MYH6: variants seen among roughly 807,000 people sequenced by gnomAD.
MYH6 encodes myosin-6.
Under a neutral mutation model 223.2 loss-of-function variants are expected in MYH6, and 126 were observed. That is an observed-to-expected ratio of 0.56 (90% CI 0.49 to 0.65). The LOEUF (loss-of-function observed/expected upper bound fraction) is 0.65, where lower values mean the gene tolerates loss of function less well. MYH6 is among the 30% of genes least tolerant of loss of function. The probability of loss-of-function intolerance (pLI) is 0.00; values close to 1 mark genes in which losing one functional copy is unlikely to be tolerated. For missense variants in MYH6, 2,040 were observed against 2,536.4 expected, an observed-to-expected ratio of 0.80 and a Z score of 4.20; for synonymous variants, 978 against 1,010.2, an observed-to-expected ratio of 0.97 and a Z score of 0.61.
At position 23,389,817 on chromosome 14, in the gene MYH6, G is replaced by C. The variant is rs549754386; in HGVS notation, c.3733-98C>G. ...AGATGGGGAATGCCAGAGGGCAGGA[G>C]GGGGACACAGAAGGTGTGGGAGGGC... On this transcript the variant is annotated intron_variant, in intron 26 of 38. Coordinates refer to ENST00000405093, the MANE Select transcript of MYH6 (RefSeq NM_002471.4). 9 of 1,596,218 alleles carry C rather than the reference G, an allele frequency of 5.6e-6. No individual in the cohort carries two copies. The East Asian group carries it at 2.0e-4, about 36-fold the overall frequency.
intron 34 of MYH6, 40 bp downstream of exon 34, chr14:23,385,888 A>G (rs764320526): frequency 6.2e-7 from 1 of 1,613,740 alleles, no homozygotes. Context: ...TGGGCTCTGC[A>G]CTCAGTAGGT....
intron 38 of MYH6, among the ~76,000 whole-genome samples, 158 bp downstream of exon 38, chr14:23,382,270 G>A (rs539175910): frequency 1.2e-4 from 18 of 152,178 alleles, no homozygotes; most frequent in African/African-American, 3.9e-4. Flanking sequence ...TCAGTGGGGG[G>A]CTGTTTTGAG....
chr14:23,400,253 C>T lies in MYH6; in HGVS notation c.1581+3G>A, dbSNP rs1333051527. 4.3e-6 allele frequency: 7 copies of T among 1,614,226 alleles called. No individual in the cohort carries two copies. The highest frequency in any genetic ancestry group is 5.9e-6 in the Non-Finnish European group (7 of 1,180,044). On this transcript the variant is annotated splice_donor_region_variant and intron_variant, in intron 14 of 38. Transcript: ENST00000405093. Reference sequence around the variant, plus strand: ...GGCATAGGTGGTGAGGCCAAGGAGGCACCTTCTCGATGAGGTCAATGCAGG... The same window carrying T: ...GGCATAGGTGGTGAGGCCAAGGAGGTACCTTCTCGATGAGGTCAATGCAGG...
At chr14:23,397,932 C>CTCTTCTTCTTCTTCTTCTTCTTCT (rs55907025) in intron 15 of MYH6, among the ~76,000 whole-genome samples, 4 of 90,218 alleles carry the variant, frequency 4.4e-5, no homozygotes, top group East Asian at 7.6e-4. Context: ...CCTCCTCCTC[C>CTCTTCTTCTTCTTCTTCTTCTTCT]TCTTCTTCTT....
chr14:23,385,896 G>A (rs757755561), intron 34 of MYH6, 32 bp downstream of exon 34: 13 of 1,613,966 alleles, frequency 8.1e-6, no homozygotes, highest in Middle Eastern at 3.3e-4. Context: ...GCACTCAGTA[G>A]GTTTCCACAA....
At chr14:23,403,278 C>T in intron 10 of MYH6, 70 bp downstream of exon 10, 2 of 1,304,900 alleles carry the variant, frequency 1.5e-6, no homozygotes, top group Admixed American at 1.7e-5. Context: ...GAGGGCCCTG[C>T]CCTGCATGCA....
chr14:23,387,190 G>A (rs778838996), intron 32 of MYH6, among the ~76,000 whole-genome samples: 20 of 152,148 alleles, frequency 1.3e-4, no homozygotes, highest in African/African-American at 3.4e-4. Flanking sequence ...GCCCAACGCT[G>A]CAGTGAAAGT....
At chr14:23,406,660 A>C (rs1319076996) in intron 3 of MYH6, among the ~76,000 whole-genome samples, 1 of 152,230 alleles carries the variant, frequency 6.6e-6, no homozygotes, top group Non-Finnish European at 1.5e-5. Context: ...AATTTGAGAA[A>C]GTGGACTCAT....
In MYH6 at chr14:23,390,419, G is replaced by C; in HGVS notation, c.3370C>G (p.Leu1124Val). 1 of 1,612,074 alleles carries C rather than the reference G, an allele frequency of 6.2e-7. No individual in the cohort carries two copies. The highest frequency in any genetic ancestry group is 8.5e-7 in the Non-Finnish European group (1 of 1,179,782). ...GCCCTGGCGGTGCGCTCGGCCTCCA[G>C]CTCCTCCTCCAGCTCCTCGATGCGT... is the stretch of plus-strand genomic sequence containing the variant. The part of the protein sequence containing the change: ...QARIEELEEE[L>V]EAERTARAKV... Residue 1124 changes from leucine to valine, a missense_variant, in exon 26 of 39, where the codon CTG becomes GTG. Leu to Val is a conservative substitution (Grantham distance 32). This residue lies in a region of MYH6 where 1,203 missense variants were observed against 1,400.2 expected (regional missense o/e 0.86). Coordinates refer to ENST00000405093, the MANE Select transcript of MYH6 (RefSeq NM_002471.4).
In MYH6 at chr14:23,384,586, G is replaced by A; in HGVS notation, c.5421C>T (p.Leu1807=). The change falls in exon 36 of 39, where the codon CTC becomes CTT. Residue 1807 remains leucine (L), a synonymous_variant. Transcript: ENST00000405093. ...HRLDEAEQIA[L]KGGKKQLQKL... is the part of the protein sequence containing the mutation. ...TCTGCAGCTGCTTCTTGCCTCCCTT[G>A]AGGGCGATCTGCTCGGCCTCGTCCA... 1 of 1,613,812 alleles carries A rather than the reference G, an allele frequency of 6.2e-7. No homozygotes were observed. Among genetic ancestry groups the A allele is most frequent in the Non-Finnish European group, 8.5e-7 (1 of 1,180,044 alleles).
In MYH6 at chr14:23,383,336, TG is replaced by T; in HGVS notation, c.5566-17del. The T allele has an allele frequency of 4.2e-5, 2 of 48,154 alleles. No individual in the cohort carries two copies. Among genetic ancestry groups the T allele is most frequent in the Non-Finnish European group, 3.9e-5 (1 of 25,428 alleles). The allele number at this position is 48,154 out of a possible 1,614,324, so 3.0% of individuals were successfully genotyped here. On this transcript the variant is annotated splice_polypyrimidine_tract_variant and intron_variant, in intron 36 of 38. Transcript: ENST00000405093. ...CTTCCTCTGTCTGGGGGTGGGAGGG[TG>T]GGAGAAGCTGGTTTGGAGGGGGAGC...
chr14:23,397,992 T>C (rs569576051), intron 15 of MYH6, among the ~76,000 whole-genome samples: 2 of 144,488 alleles, frequency 1.4e-5, no homozygotes, highest in African/African-American at 5.3e-5. Flanking sequence ...CTTCTTCTTC[T>C]TCTTCTTCTT....
At chr14:23,386,651 A>C (rs1891035631) in intron 32 of MYH6, 28 bp from the exon 33 acceptor site, 2 of 1,595,062 alleles carry the variant, frequency 1.3e-6, no homozygotes. Flanking sequence ...GAGGGCGGGC[A>C]GACAGGGCAC....
chr14:23,393,205 C>T, intron 23 of MYH6, 137 bp downstream of exon 23: 1 of 1,464,846 alleles, frequency 6.8e-7, no homozygotes, highest in Non-Finnish European at 9.5e-7. Context: ...CAGAGACCTA[C>T]TGTAGTGAGG....
At chr14:23,392,867 G>T (rs1452049872) in intron 24 of MYH6, 45 bp downstream of exon 24, 1 of 1,610,220 alleles carries the variant, frequency 6.2e-7, no homozygotes, top group African/African-American at 1.3e-5. Context: ...TATCTACCAG[G>T]CCAGACACCT....
At chr14:23,383,047 G>A (rs1015703687) in intron 37 of MYH6, among the ~76,000 whole-genome samples, 178 bp downstream of exon 37, 1 of 152,196 alleles carries the variant, frequency 6.6e-6, no homozygotes, top group Admixed American at 6.5e-5. Context: ...CTTGTAGGTG[G>A]TGCCTTTGTT....
chr14:23,382,481 C>T lies in MYH6; in HGVS notation c.5743G>A (p.Ala1915Thr), dbSNP rs754649208. Residue 1915 changes from alanine to threonine, a missense_variant, in exon 38 of 39, where the codon GCT (alanine) becomes ACT (threonine). By Grantham distance (58) the Ala-to-Thr change is moderately conservative. This residue lies in a region of MYH6 where 1,203 missense variants were observed against 1,400.2 expected (regional missense o/e 0.86). Transcript: ENST00000405093. ...LDEAEERADI[A>T]ESQVNKLRAK... Reference sequence around the variant, plus strand: ...CGAAGCTTGTTGACCTGGGACTCAGCGATGTCCGCCCGCTCCTCTGCCTCA... The same window carrying T: ...CGAAGCTTGTTGACCTGGGACTCAGTGATGTCCGCCCGCTCCTCTGCCTCA... 6.2e-6 allele frequency: 10 copies of T among 1,614,154 alleles called. No individual in the cohort carries two copies. Among genetic ancestry groups the T allele is most frequent in the Middle Eastern group, 1.6e-4 (1 of 6,062 alleles).
intron 14 of MYH6, 59 bp from the exon 15 acceptor site, chr14:23,399,096 A>G: frequency 6.3e-7 from 1 of 1,595,762 alleles, no homozygotes; most frequent in Non-Finnish European, 8.6e-7. Context: ...AGGCTTCCAC[A>G]GTCCCATACC....
chr14:23,387,405 A>G, intron 32 of MYH6, 124 bp downstream of exon 32: 1 of 1,473,938 alleles, frequency 6.8e-7, no homozygotes, highest in Non-Finnish European at 9.3e-7. Flanking sequence ...GTGGGTAGAT[A>G]ATGTTGAACA....
Sources: allele counts gnomAD v4.1 joint callset (sites outside exome capture counted in the v4.1 genomes callset), GRCh38; gene constraint gnomAD v4.1.1; regional missense constraint gnomAD v4.1.1; transcripts MANE v1.5; gene names NCBI Gene and HGNC (gene_info 2026-07-23, HGNC 2026-07-21).